P4HB: variants seen among roughly 807,000 people sequenced by gnomAD.
The protein encoded by P4HB is prolyl 4-hydroxylase subunit beta, also known as protein disulfide-isomerase.
A neutral mutation model predicts 52.6 loss-of-function variants in P4HB; 20 were observed. The observed-to-expected ratio is 0.38, with a 90% confidence interval of 0.27 to 0.55. The LOEUF (loss-of-function observed/expected upper bound fraction) is 0.55. Ranked by LOEUF, P4HB falls within the 20% of genes least tolerant of loss-of-function variation. P4HB has a pLI of 0.74. For synonymous variants in P4HB, 296 were observed against 277.9 expected (o/e 1.07, Z -0.65); for missense variants, 601 against 669.2 (o/e 0.90, Z 1.12).
At chr17:81,854,404 T>C (rs2038881348) in intron 4 of P4HB, among the ~76,000 whole-genome samples, 1 of 151,834 alleles carries the variant, frequency 6.6e-6, no homozygotes, top group South Asian at 2.1e-4. Context: ...CAGCCCAGCG[T>C]GGTGGCACGC....
chr17:81,854,223 G>A (rs1281839680), intron 4 of P4HB, among the ~76,000 whole-genome samples: 2 of 152,242 alleles, frequency 1.3e-5, no homozygotes, highest in African/African-American at 2.4e-5. Context: ...AGGACGCTCT[G>A]AATGTAGTTA....
chr17:81,851,151 C>T (rs1283162775), intron 4 of P4HB, among the ~76,000 whole-genome samples: 1 of 151,872 alleles, frequency 6.6e-6, no homozygotes, highest in East Asian at 1.9e-4. Context: ...AGGATGGTCT[C>T]GATCTCCTGA....
rs1211025142 is a variant in P4HB, at chr17:81,847,281, G to A, written c.691C>T (p.His231Tyr). Residue 231 changes from histidine (H) to tyrosine (Y), a missense_variant, in exon 5 of 11, where the codon CAC becomes TAC. His to Tyr is a moderately conservative substitution (Grantham distance 83). Transcript: ENST00000331483. Reference protein sequence around the residue: ...TKENLLDFIKHNQLPLVIEFT... With the variant: ...TKENLLDFIKYNQLPLVIEFT... ...TCGATGACAAGGGGCAGCTGGTTGT[G>A]TTTGATAAAGTCCAGCAGGTTCTCC... 1 of 1,614,050 alleles carries A rather than the reference G, an allele frequency of 6.2e-7. No homozygotes were observed. Among genetic ancestry groups the A allele is most frequent in the African/African-American group, 1.3e-5 (1 of 74,932 alleles).
intron 4 of P4HB, among the ~76,000 whole-genome samples, chr17:81,851,764 G>A (rs1038097198): frequency 1.3e-5 from 2 of 152,192 alleles, no homozygotes; most frequent in African/African-American, 2.4e-5. Context: ...GGCTGCCATC[G>A]TTTCAGCAGA....
chr17:81,846,795 G>T lies in P4HB; in HGVS notation c.855+152C>A. The T allele has an allele frequency of 8.2e-7, 1 of 1,226,508 alleles. No individual in the cohort carries two copies. The highest frequency in any genetic ancestry group is 1.2e-6 in the Non-Finnish European group (1 of 859,848). The allele number at this position is 1,226,508 out of a possible 1,614,324, so 76.0% of individuals were successfully genotyped here. A position where few individuals can be genotyped will look rare whatever the true frequency, so the allele number is the denominator to read the frequency against. On this transcript the variant is annotated intron_variant, in intron 6 of 10. Coordinates refer to ENST00000331483, the MANE Select transcript of P4HB (RefSeq NM_000918.4). The surrounding 1 kb of genome is among the most constrained non-coding windows in gnomAD (Gnocchi z 5.7). ...GTGACTGGGAGCAGAGGTCTGGCCT[G>T]GCTGGCCCCTCGCCTACATCCAGGC...
Position 81,845,199 on chromosome 17 carries a change from T to A in P4HB, c.1391A>T (p.Asp464Val). ...GCTCTCCAGGAATTTCTTAAAACCA[T>A]CCAGCGTGCGTTCCCCGTTGTAATC... Reference protein sequence around the residue: ...VIDYNGERTLDGFKKFLESGG... With the variant: ...VIDYNGERTLVGFKKFLESGG... Residue 464 changes from aspartate to valine, a missense_variant, in exon 10 of 11, where the codon GAT (aspartate) becomes GTT (valine). Coordinates refer to ENST00000331483, the MANE Select transcript of P4HB (RefSeq NM_000918.4). 1 of 1,613,906 alleles carries A rather than the reference T, an allele frequency of 6.2e-7. No individual in the cohort carries two copies. Among genetic ancestry groups the A allele is most frequent in the Non-Finnish European group, 8.5e-7 (1 of 1,179,866 alleles).
At chr17:81,856,895 G>A (rs553708020) in intron 2 of P4HB, among the ~76,000 whole-genome samples, 2 of 151,700 alleles carry the variant, frequency 1.3e-5, no homozygotes, top group East Asian at 1.9e-4. Context: ...TGATCCGCCC[G>A]CCTCGGCCTC....
chr17:81,843,510 C>T lies in P4HB; in HGVS notation c.*502G>A, dbSNP rs1329593636. On this transcript the variant is annotated 3_prime_UTR_variant, in exon 11 of 11. Transcript: ENST00000331483. ...TACCCAAAAATGCAAGAGCCATGAT[C>T]AGTCATGGCGACACTGCAGGCGGTA... 1 of 400,990 alleles carries T rather than the reference C, an allele frequency of 2.5e-6. No homozygotes were observed. Among genetic ancestry groups the T allele is most frequent in the African/African-American group, 2.1e-5 (1 of 48,658 alleles). The allele number at this position is 400,990 out of a possible 1,614,324, so 24.8% of individuals were successfully genotyped here.
At position 81,843,220 on chromosome 17, in the gene P4HB, G is replaced by C. The variant is rs2038680118; in HGVS notation, c.*792C>G. The C allele has an allele frequency of 1.4e-5, 5 of 346,200 alleles. No homozygotes were observed. The allele number at this position is 346,200 out of a possible 1,614,324, so 21.4% of individuals were successfully genotyped here. A position where few individuals can be genotyped will look rare whatever the true frequency, so the allele number is the denominator to read the frequency against. On this transcript the variant is annotated 3_prime_UTR_variant, in exon 11 of 11. Coordinates refer to ENST00000331483, the MANE Select transcript of P4HB (RefSeq NM_000918.4). The stretch of plus-strand genomic sequence containing the variant: ...TTCAATTCGATTGTGAAATAGAAAT[G>C]CCTGAAGAACTGTCAGCGTCTGATT...
intron 4 of P4HB, among the ~76,000 whole-genome samples, chr17:81,853,439 G>A (rs900005705): frequency 1.2e-4 from 19 of 152,214 alleles, no homozygotes; most frequent in South Asian, 1.0e-3. Context: ...TGGGTGTGGT[G>A]GCGGGTGCCC....
chr17:81,850,674 G>C (rs1166914851), intron 4 of P4HB, among the ~76,000 whole-genome samples: 1 of 146,536 alleles, frequency 6.8e-6, no homozygotes, highest in Non-Finnish European at 1.5e-5. Context: ...TTAGAGATGG[G>C]GTTTCTCCAT....
At chr17:81,856,887 A>T (rs1458420785) in intron 2 of P4HB, among the ~76,000 whole-genome samples, 2 of 151,604 alleles carry the variant, frequency 1.3e-5, no homozygotes, top group African/African-American at 2.4e-5. Context: ...TGACCTCGTG[A>T]TCCGCCCGCC....
intron 4 of P4HB, among the ~76,000 whole-genome samples, chr17:81,849,270 G>A (rs566140996): frequency 3.3e-5 from 5 of 152,156 alleles, no homozygotes; most frequent in East Asian, 1.9e-4. Context: ...TGAGGCGGGC[G>A]GATCACCTGA....
At position 81,855,145 on chromosome 17, in the gene P4HB, C is replaced by T; in HGVS notation, c.621G>A (p.Lys207=). 1 of 1,614,072 alleles carries T rather than the reference C, an allele frequency of 6.2e-7. No individual in the cohort carries two copies. Among genetic ancestry groups the T allele is most frequent in the South Asian group, 1.1e-5 (1 of 91,080 alleles). Residue 207 remains lysine, a synonymous_variant, in exon 4 of 11, where the codon AAG becomes AAA. Transcript: ENST00000331483. The surrounding 1 kb of genome is among the most constrained non-coding windows in gnomAD (Gnocchi z 4.3). The part of the protein sequence containing the change: ...QLDKDGVVLF[K]KFDEGRNNFE... ...AGAGCTGCCTGGGGCCACTCACCTTCTTAAAGAGGACAACCCCATCTTTGT... is the reference window on the plus strand; with the variant it reads ...AGAGCTGCCTGGGGCCACTCACCTTTTTAAAGAGGACAACCCCATCTTTGT...
intron 10 of P4HB, among the ~76,000 whole-genome samples, chr17:81,844,320 CTG>C (rs1307699000): frequency 6.6e-6 from 1 of 152,196 alleles, no homozygotes; most frequent in African/African-American, 2.4e-5. Flanking sequence ...AGAGCCCCCA[CTG>C]TGTCAGGAAC....
chr17:81,845,102 G>C, intron 10 of P4HB, 42 bp downstream of exon 10: 1 of 1,470,760 alleles, frequency 6.8e-7, no homozygotes, highest in Non-Finnish European at 9.5e-7. Context: ...GGGCCAAGGG[G>C]CTGAATCCCA....
chr17:81,859,646 A>C, intron 1 of P4HB: 1 of 524,258 alleles, frequency 1.9e-6, no homozygotes, highest in Non-Finnish European at 3.4e-6. Flanking sequence ...GCACAGCCAG[A>C]CAAACCTTTC....
At chr17:81,850,091 G>A (rs1387184300) in intron 4 of P4HB, among the ~76,000 whole-genome samples, 2 of 151,004 alleles carry the variant, frequency 1.3e-5, no homozygotes, top group Non-Finnish European at 2.9e-5. Context: ...GCCTCCTAAA[G>A]TGCTGGGATT....
At chr17:81,859,472 G>A (rs2038963480) in intron 1 of P4HB, 85 bp from the exon 2 acceptor site, 1 of 1,197,340 alleles carries the variant, frequency 8.4e-7, no homozygotes, top group Non-Finnish European at 1.2e-6. Context: ...TTTTTCCTCT[G>A]GCATTTCCCT....
Sources: allele counts gnomAD v4.1 joint callset (sites outside exome capture counted in the v4.1 genomes callset), GRCh38; gene constraint gnomAD v4.1.1; non-coding constraint Gnocchi (gnomAD v3.1); transcripts MANE v1.5; gene names NCBI Gene and HGNC (gene_info 2026-07-23, HGNC 2026-07-21).